MSH4: variants seen among roughly 807,000 people sequenced by gnomAD.
MSH4 encodes mutS protein homolog 4.
Under a neutral mutation model 113.7 loss-of-function variants are expected in MSH4, and 106 were observed. That is an observed-to-expected ratio of 0.93 (90% confidence interval 0.80 to 1.10). The LOEUF (loss-of-function observed/expected upper bound fraction) is 1.10, where lower values mean the gene tolerates loss of function less well. Ranked by LOEUF, MSH4 falls within the 50% of genes least tolerant of loss-of-function variation. The pLI is 0.00. For missense variants in MSH4, 1,061 were observed against 1,093.7 expected (o/e 0.97, Z 0.42); for synonymous variants, 368 against 380.2 (o/e 0.97, Z 0.37).
chr1:75,906,234 G>GT (rs1247877246), intron 19 of MSH4, among the ~76,000 whole-genome samples: 1 of 149,792 alleles, frequency 6.7e-6, no homozygotes, highest in Non-Finnish European at 1.5e-5. Context: ...TTTAAGTCTT[G>GT]TTTTTTTAAT....
At chr1:75,869,200 A>G (rs551996743) in intron 9 of MSH4, among the ~76,000 whole-genome samples, 1 of 152,284 alleles carries the variant, frequency 6.6e-6, no homozygotes, top group East Asian at 1.9e-4. Context: ...CTTGCTATGC[A>G]AAGAGACTGG....
intron 4 of MSH4, among the ~76,000 whole-genome samples, chr1:75,813,760 C>T (rs1190042353): frequency 6.6e-6 from 1 of 152,042 alleles, no homozygotes; most frequent in Non-Finnish European, 1.5e-5. Flanking sequence ...CCTGTAGTCC[C>T]AGGTACTTGG....
intron 15 of MSH4, among the ~76,000 whole-genome samples, chr1:75,885,341 G>A (rs374039382): frequency 9.2e-4 from 94 of 102,540 alleles, no homozygotes; most frequent in South Asian, 2.5e-3. Flanking sequence ...GTGTGTGTGT[G>A]TATATATATA....
At chr1:75,906,496 T>A (rs74981578) in intron 19 of MSH4, among the ~76,000 whole-genome samples, 18 of 200 alleles carry the variant, frequency 0.09, 1 homozygote, top group Admixed American at 0.17. Context: ...TATTATATAT[T>A]ATATATATAT....
chr1:75,828,969 C>G (rs1444169311), intron 7 of MSH4, among the ~76,000 whole-genome samples: 1 of 151,962 alleles, frequency 6.6e-6, no homozygotes, highest in Non-Finnish European at 1.5e-5. Flanking sequence ...GGGTACAGCC[C>G]ATGGAGCAGG....
chr1:75,889,269 A>G lies in MSH4; in HGVS notation c.2126A>G (p.Glu709Gly). 1 of 1,487,132 alleles carries G rather than the reference A, an allele frequency of 6.7e-7. No individual in the cohort carries two copies. The allele number at this position is 1,487,132 out of a possible 1,614,324, so 92.1% of individuals were successfully genotyped here. A position where few individuals can be genotyped will look rare whatever the true frequency, so the allele number is the denominator to read the frequency against. ...TTTACAGGATCATATGTTCCAGCAGAATATTCTTCCTTTAGAATTGCTAAA... is the reference window on the plus strand; with the variant it reads ...TTTACAGGATCATATGTTCCAGCAGGATATTCTTCCTTTAGAATTGCTAAA... Reference protein sequence around the residue: ...MAQIGSYVPAEYSSFRIAKQI... With the variant: ...MAQIGSYVPAGYSSFRIAKQI... The change falls in exon 16 of 20, where the codon GAA becomes GGA. Residue 709 changes from glutamate to glycine, a missense_variant. Coordinates refer to ENST00000263187, the MANE Select transcript of MSH4 (RefSeq NM_002440.4).
At position 75,877,006 on chromosome 1, in the gene MSH4, T is replaced by C; in HGVS notation, c.1370+6T>C. ...GGTTCCTTGGAAGACAAGAGGTCTT[T>C]GTCACTCAACCGTTAATAAAAAATA... On this transcript the variant is annotated splice_donor_region_variant and intron_variant, in intron 10 of 19. Transcript: ENST00000263187. The C allele has an allele frequency of 6.5e-7, 1 of 1,527,970 alleles. No individual in the cohort carries two copies. The highest frequency in any genetic ancestry group is 8.8e-7 in the Non-Finnish European group (1 of 1,132,846). 94.7% of individuals were successfully genotyped at this position (1,527,970 alleles called of 1,614,324 possible).
intron 8 of MSH4, among the ~76,000 whole-genome samples, chr1:75,858,581 T>C (rs1339224796): frequency 6.6e-6 from 1 of 152,206 alleles, no homozygotes; most frequent in Non-Finnish European, 1.5e-5. Context: ...TGATTTTGTG[T>C]ATGTTGAACC....
intron 7 of MSH4, among the ~76,000 whole-genome samples, chr1:75,831,583 G>A (rs1040743206): frequency 1.1e-4 from 16 of 152,232 alleles, no homozygotes; most frequent in African/African-American, 3.9e-4. Flanking sequence ...ATAACAAACT[G>A]TCTCTCAGAC....
chr1:75,827,531 A>C (rs1305920957), intron 7 of MSH4, among the ~76,000 whole-genome samples: 1 of 152,172 alleles, frequency 6.6e-6, no homozygotes, highest in Non-Finnish European at 1.5e-5. Context: ...CAATTAAAAG[A>C]CACAGACTGA....
intron 9 of MSH4, among the ~76,000 whole-genome samples, chr1:75,869,051 G>C (rs892379033): frequency 6.6e-6 from 1 of 152,196 alleles, no homozygotes; most frequent in Non-Finnish European, 1.5e-5. Flanking sequence ...ACAGGAAGTT[G>C]TAGGAAAGTC....
chr1:75,898,520 ATTT>A (rs35302747), intron 18 of MSH4, among the ~76,000 whole-genome samples: 2 of 141,558 alleles, frequency 1.4e-5, no homozygotes, highest in Admixed American at 7.1e-5. Flanking sequence ...ACCAAACCAT[ATTT>A]TTTTTTTTTT....
intron 13 of MSH4, among the ~76,000 whole-genome samples, chr1:75,880,717 A>C (rs1291080583): frequency 1.3e-5 from 2 of 152,068 alleles, no homozygotes; most frequent in Non-Finnish European, 2.9e-5. Context: ...TTTGCACTAT[A>C]TCACAGTATA....
rs781435803 is a variant in MSH4, at chr1:75,880,094, A to G, written c.1722A>G (p.Leu574=). ...KNSYSFTSAD[L]IKMNERCQES... ...CTTACAGCTTTACATCAGCAGATTT[A>G]ATTAAAATGAATGAAAGATGCCAAG... The change falls in exon 13 of 20, where the codon TTA becomes TTG. Residue 574 remains leucine (L), a synonymous_variant. Transcript: ENST00000263187. 1 of 1,599,124 alleles carries G rather than the reference A, an allele frequency of 6.3e-7. No homozygotes were observed.
Position 75,912,955 on chromosome 1 carries a change from A to G in MSH4, c.*68A>G, listed in dbSNP as rs1652821952. On this transcript the variant is annotated 3_prime_UTR_variant, in exon 20 of 20. Coordinates refer to ENST00000263187, the MANE Select transcript of MSH4 (RefSeq NM_002440.4). Reference sequence around the variant, plus strand: ...AGAATTTATTTTTCTCCTTAGAGATAAGGAAAATAACATTTGCCAAATTTC... The same window carrying G: ...AGAATTTATTTTTCTCCTTAGAGATGAGGAAAATAACATTTGCCAAATTTC... 9.8e-7 allele frequency: 1 copy of G among 1,023,680 alleles called. No individual in the cohort carries two copies. The allele number at this position is 1,023,680 out of a possible 1,614,324, so 63.4% of individuals were successfully genotyped here. A position where few individuals can be genotyped will look rare whatever the true frequency, so the allele number is the denominator to read the frequency against.
At chr1:75,807,412 C>A (rs140547318) in intron 3 of MSH4, among the ~76,000 whole-genome samples, 148 of 152,220 alleles carry the variant, frequency 9.7e-4, no homozygotes, top group African/African-American at 3.4e-3. Flanking sequence ...TTAATAATTT[C>A]TGGATTTATT....
chr1:75,847,739 C>T (rs1408067631), intron 7 of MSH4, among the ~76,000 whole-genome samples: 1 of 152,198 alleles, frequency 6.6e-6, no homozygotes, highest in Non-Finnish European at 1.5e-5. Context: ...CACTTTCTAA[C>T]AACCTGTTCT....
At chr1:75,889,152 A>G (rs903157913) in intron 15 of MSH4, 99 bp from the exon 16 acceptor site, 7 of 616,482 alleles carry the variant, frequency 1.1e-5, no homozygotes, top group Non-Finnish European at 1.7e-5. Context: ...TGTTCTTTCT[A>G]CCATATAATC....
intron 19 of MSH4, among the ~76,000 whole-genome samples, chr1:75,901,389 CAT>C (rs1259405468): frequency 6.6e-6 from 1 of 152,146 alleles, no homozygotes; most frequent in East Asian, 1.9e-4. Context: ...TTAGCTCAGG[CAT>C]ATGAGTGAGA....
Sources: allele counts gnomAD v4.1 joint callset (sites outside exome capture counted in the v4.1 genomes callset), GRCh38; gene constraint gnomAD v4.1.1; transcripts MANE v1.5; gene names NCBI Gene and HGNC (gene_info 2026-07-23, HGNC 2026-07-21).